The following CUL3 variants were observed in gnomAD, a reference collection of about 807,000 sequenced individuals.
The protein encoded by CUL3 is cullin-3.
A neutral mutation model predicts 89.1 loss-of-function variants in CUL3; 19 were observed. That is an observed-to-expected ratio of 0.21 (90% confidence interval 0.15 to 0.31). The LOEUF is 0.31. Among genes scored for constraint, CUL3 ranks in the 10% least tolerant of loss-of-function variants. The probability of loss-of-function intolerance (pLI) is 1.00; values close to 1 mark genes in which losing one functional copy is unlikely to be tolerated. For synonymous variants in CUL3, 351 were observed against 308.4 expected (o/e 1.14, Z -1.45); for missense variants, 469 against 942.3 (o/e 0.50, Z 6.58).
At chr2:224,489,001 A>G (rs544524712) in intron 13 of CUL3, among the ~76,000 whole-genome samples, 25 of 152,352 alleles carry the variant, frequency 1.6e-4, no homozygotes, top group Admixed American at 7.8e-4. Flanking sequence ...AACAAAACCA[A>G]TGAAAAAACC....
At position 224,557,650 on chromosome 2, in the gene CUL3, GTTTGATACC is replaced by G; in HGVS notation, c.264_264+8del. Reference sequence around the variant, plus strand: ...ATAGTATTAGCAACAGTCCTTTAAAGTTTGATACCTTATTTATGAGATGTTCGGTAACAA... The same window carrying G: ...ATAGTATTAGCAACAGTCCTTTAAAGTTATTTATGAGATGTTCGGTAACAA... On this transcript the variant is annotated splice_donor_variant and splice_donor_5th_base_variant and coding_sequence_variant and intron_variant, in exon 2 of 16. Coordinates refer to ENST00000264414, the MANE Select transcript of CUL3 (RefSeq NM_003590.5). LOFTEE classifies it high-confidence loss of function. 6.3e-7 allele frequency: 1 copy of G among 1,586,566 alleles called. No homozygotes were observed. The highest frequency in any genetic ancestry group is 8.6e-7 in the Non-Finnish European group (1 of 1,157,524).
rs772571352 is a variant in CUL3 at position 224,471,707 on chromosome 2, G to A, written c.*2538C>T. ...ACAACCACTTTTTGTGAGGCTGTGC[G>A]TTCCCTAATTGCAATGAATTTTCAG... On this transcript the variant is annotated 3_prime_UTR_variant, in exon 16 of 16. Transcript: ENST00000264414. 57 of 222,166 alleles carry A rather than the reference G, an allele frequency of 2.6e-4. 1 individual carries two copies. Among genetic ancestry groups the A allele is most frequent in the Non-Finnish European group, 4.2e-4 (47 of 111,148 alleles). The allele number at this position is 222,166 out of a possible 1,614,324, so 13.8% of individuals were successfully genotyped here. A position where few individuals can be genotyped will look rare whatever the true frequency, so the allele number is the denominator to read the frequency against.
intron 2 of CUL3, among the ~76,000 whole-genome samples, chr2:224,540,428 G>A (rs946091235): frequency 2.6e-5 from 4 of 151,804 alleles, no homozygotes; most frequent in African/African-American, 9.7e-5. Context: ...AGGGAGGGAA[G>A]AAGGAAGAGG....
In CUL3 at chr2:224,471,715, A is replaced by G. The variant is rs572656280; in HGVS notation, c.*2530T>C. The G allele has an allele frequency of 4.5e-6, 1 of 222,790 alleles. No homozygotes were observed. The highest frequency in any genetic ancestry group is 2.2e-5 in the African/African-American group (1 of 44,886). 13.8% of individuals were successfully genotyped at this position (222,790 alleles called of 1,614,324 possible). A position where few individuals can be genotyped will look rare whatever the true frequency, so the allele number is the denominator to read the frequency against. ...TTTTTGTGAGGCTGTGCGTTCCCTA[A>G]TTGCAATGAATTTTCAGTCTTTAAA... is the stretch of plus-strand genomic sequence containing the variant. On this transcript the variant is annotated 3_prime_UTR_variant, in exon 16 of 16. Transcript: ENST00000264414.
chr2:224,493,795 C>T (rs1228570134), intron 13 of CUL3, among the ~76,000 whole-genome samples: 1 of 151,830 alleles, frequency 6.6e-6, no homozygotes, highest in Non-Finnish European at 1.5e-5. Flanking sequence ...CATTAAGAGC[C>T]GCAGATTAAA....
intron 1 of CUL3, 136 bp from the exon 2 acceptor site, chr2:224,557,992 A>G (rs543367771): frequency 1.8e-6 from 1 of 556,494 alleles, no homozygotes; most frequent in African/African-American, 1.9e-5. Flanking sequence ...GACACATAAG[A>G]ACATTAACAA....
Position 224,478,290 on chromosome 2 carries a change from T to A in CUL3, c.2085A>T (p.Val695=), listed in dbSNP as rs1198997823. Residue 695 remains valine (V), a synonymous_variant, in exon 15 of 16, where the codon GTA becomes GTT. Coordinates refer to ENST00000264414, the MANE Select transcript of CUL3 (RefSeq NM_003590.5). ...DPERKETRQK[V]DDDRKHEIEA... is the part of the protein sequence containing the mutation. ...CTATCTCATGTTTTCTGTCGTCGTC[T>A]ACTTTCTGCCTTGTTTCTTTCCTCT... The A allele has an allele frequency of 6.2e-7, 1 of 1,613,840 alleles. No individual in the cohort carries two copies.
intron 3 of CUL3, among the ~76,000 whole-genome samples, chr2:224,532,791 T>G (rs202019014): frequency 6.6e-6 from 1 of 151,972 alleles, no homozygotes; most frequent in African/African-American, 2.4e-5. Flanking sequence ...ATATGAAAGG[T>G]AGAACCCTAA....
chr2:224,530,835 A>T (rs1693671427), intron 3 of CUL3, among the ~76,000 whole-genome samples: 1 of 152,156 alleles, frequency 6.6e-6, no homozygotes. Flanking sequence ...TCAACCCAGG[A>T]GGCGGAGGCT....
chr2:224,482,294 A>T (rs374556153), intron 13 of CUL3, among the ~76,000 whole-genome samples: 21 of 152,288 alleles, frequency 1.4e-4, no homozygotes, highest in Non-Finnish European at 2.6e-4. Flanking sequence ...AATATTAAAA[A>T]GACATGTACT....
At chr2:224,561,424 G>C (rs7575152) in intron 1 of CUL3, among the ~76,000 whole-genome samples, 2 of 152,042 alleles carry the variant, frequency 1.3e-5, no homozygotes, top group African/African-American at 4.8e-5. Context: ...TGATGTGTAT[G>C]AATGTGAAAA....
At chr2:224,488,730 T>C (rs2106164867) in intron 13 of CUL3, among the ~76,000 whole-genome samples, 2 of 152,158 alleles carry the variant, frequency 1.3e-5, no homozygotes, top group South Asian at 4.2e-4. Context: ...CCAAACAATA[T>C]AAAAAGAGGG....
intron 2 of CUL3, among the ~76,000 whole-genome samples, chr2:224,543,988 CA>C (rs1326396208): frequency 1.8e-3 from 248 of 141,222 alleles, no homozygotes; most frequent in African/African-American, 5.1e-3. Flanking sequence ...CCTCCCATTT[CA>C]AAAAAAAAAA....
intron 8 of CUL3, 97 bp from the exon 9 acceptor site, chr2:224,503,919 CAT>C (rs1398190630): frequency 2.2e-6 from 2 of 924,828 alleles, no homozygotes; most frequent in East Asian, 2.8e-5. Context: ...TGTTTGAAAA[CAT>C]AGATATCTGG....
At chr2:224,481,825 G>T (rs2106150814) in intron 14 of CUL3, 67 bp downstream of exon 14, 2 of 1,118,446 alleles carry the variant, frequency 1.8e-6, no homozygotes, top group Non-Finnish European at 2.4e-6. Context: ...AAATCCAATA[G>T]ATGAGATTTT....
At chr2:224,487,492 TAAAA>T (rs375340338) in intron 13 of CUL3, among the ~76,000 whole-genome samples, 1 of 90,170 alleles carries the variant, frequency 1.1e-5, no homozygotes, top group Non-Finnish European at 2.3e-5. Flanking sequence ...TAGTCTCTGA[TAAAA>T]AAAGACAAAG....
chr2:224,542,570 TGC>T (rs145744409), intron 2 of CUL3, among the ~76,000 whole-genome samples: 1 of 150,890 alleles, frequency 6.6e-6, no homozygotes, highest in Non-Finnish European at 1.5e-5. Context: ...TGTGTGTGTG[TGC>T]GCGCGCGCAT....
chr2:224,507,081 TGA>T, intron 6 of CUL3, 78 bp from the exon 7 acceptor site: 10 of 1,312,290 alleles, frequency 7.6e-6, no homozygotes, highest in South Asian at 3.2e-5. Context: ...GCTATAATAC[TGA>T]GAGAAGCTTA....
chr2:224,510,782 T>C (rs1037971616), intron 6 of CUL3, among the ~76,000 whole-genome samples: 1 of 152,244 alleles, frequency 6.6e-6, no homozygotes, highest in Non-Finnish European at 1.5e-5. Context: ...ATGTTAGTTA[T>C]CTCAAAAATG....
Sources: allele counts gnomAD v4.1 joint callset (sites outside exome capture counted in the v4.1 genomes callset), GRCh38; gene constraint gnomAD v4.1.1; transcripts MANE v1.5; gene names NCBI Gene and HGNC (gene_info 2026-07-23, HGNC 2026-07-21).